The following SRPK2 variants were observed in gnomAD, a reference collection of about 807,000 sequenced individuals.
SRPK2 encodes SFRS protein kinase 2.
SRPK2 carries 21 observed loss-of-function variants against 90.8 expected under a neutral mutation model. The ratio of observed to expected loss-of-function variants is 0.23; its 90% CI spans 0.16 to 0.33. The LOEUF (loss-of-function observed/expected upper bound fraction) is 0.33, where lower values mean the gene tolerates loss of function less well. SRPK2 is among the 10% of genes least tolerant of loss of function. The pLI is 1.00. For synonymous variants in SRPK2, 288 were observed against 311.1 expected (o/e 0.93, Z 0.78); for missense variants, 620 against 869.0 (o/e 0.71, Z 3.60).
At chr7:105,276,276 G>A (rs1007133001) in intron 2 of SRPK2, among the ~76,000 whole-genome samples, 18 of 151,444 alleles carry the variant, frequency 1.2e-4, no homozygotes, top group Non-Finnish European at 1.9e-4. Flanking sequence ...ACAGGGTCTC[G>A]CTATGTTGCC....
At chr7:105,176,609 G>A (rs10607748) in intron 3 of SRPK2, among the ~76,000 whole-genome samples, 104,898 of 135,452 alleles carry the variant, frequency 0.77, 39,971 homozygotes, top group Non-Finnish European at 0.87. Context: ...GTGTGTGTGT[G>A]TATACGTGTG....
At chr7:105,376,640 G>A (rs1820335058) in intron 2 of SRPK2, among the ~76,000 whole-genome samples, 1 of 150,466 alleles carries the variant, frequency 6.6e-6, no homozygotes. Context: ...TCAGGTTCAA[G>A]CAATTCTCCT....
chr7:105,353,498 C>T (rs1028572735), intron 2 of SRPK2, among the ~76,000 whole-genome samples: 1 of 131,666 alleles, frequency 7.6e-6, no homozygotes, highest in Non-Finnish European at 1.7e-5. Flanking sequence ...TGCCATCCAG[C>T]CCAGTTTGTT....
chr7:105,243,585 C>G (rs1194742697), intron 2 of SRPK2, among the ~76,000 whole-genome samples: 1 of 147,230 alleles, frequency 6.8e-6, no homozygotes, highest in Non-Finnish European at 1.5e-5. Context: ...GAGCCAAGAC[C>G]GCACCATTGC....
At chr7:105,225,677 C>T (rs1025791534) in intron 2 of SRPK2, among the ~76,000 whole-genome samples, 6 of 152,112 alleles carry the variant, frequency 3.9e-5, no homozygotes, top group African/African-American at 1.2e-4. Context: ...GTTTAATAGG[C>T]TGTTTCTAAA....
At chr7:105,268,729 A>G in intron 2 of SRPK2, 2 of 1,507,362 alleles carry the variant, frequency 1.3e-6, no homozygotes, top group Non-Finnish European at 1.8e-6. Flanking sequence ...AAACTTGACA[A>G]GAAAAAAAAA....
intron 2 of SRPK2, among the ~76,000 whole-genome samples, chr7:105,253,074 A>C (rs1341497513): frequency 1.3e-5 from 2 of 152,158 alleles, no homozygotes; most frequent in Non-Finnish European, 2.9e-5. Flanking sequence ...GGATTTCTTT[A>C]ATCATAATTA....
upstream of SRPK2, chr7:105,389,197 G>T: frequency 8.9e-7 from 1 of 1,121,696 alleles, no homozygotes; most frequent in South Asian, 1.9e-5. Flanking sequence ...CCCGGGCACC[G>T]GACCCGCGGG....
intron 2 of SRPK2, among the ~76,000 whole-genome samples, chr7:105,295,606 C>T (rs1809712574): frequency 6.6e-6 from 1 of 152,034 alleles, no homozygotes; most frequent in African/African-American, 2.4e-5. Flanking sequence ...CAGTAGTTAC[C>T]AGGGGCCAGG....
chr7:105,140,006 C>T (rs564254200), intron 11 of SRPK2, among the ~76,000 whole-genome samples: 157 of 152,042 alleles, frequency 1.0e-3, no homozygotes, highest in African/African-American at 3.7e-3. Context: ...TGCATATAAC[C>T]TACATATATC....
chr7:105,205,926 A>AG, intron 2 of SRPK2: 3 of 482,820 alleles, frequency 6.2e-6, no homozygotes, highest in Non-Finnish European at 4.2e-6. Flanking sequence ...ACATTCTCTG[A>AG]AAACACACAC....
chr7:105,293,594 ATTT>A (rs978378502), intron 2 of SRPK2, among the ~76,000 whole-genome samples: 1 of 150,174 alleles, frequency 6.7e-6, no homozygotes, highest in African/African-American at 2.5e-5. Context: ...TGATTGTTGT[ATTT>A]TTAGTAGAGA....
Position 105,160,073 on chromosome 7 carries a change from G to A in SRPK2, c.621+434C>T, listed in dbSNP as rs187638304. 6.6e-5 allele frequency among the ~76,000 whole-genome samples: 10 copies of A among 152,188 alleles called. No individual in the cohort carries two copies. In the East Asian group the frequency reaches 1.2e-3, roughly 18 times the overall value. ...TATTAGATCTGCAGAATTTAACCACGTTATAACTGAAACTTTGTACACAAC... is the reference window on the plus strand; with the variant it reads ...TATTAGATCTGCAGAATTTAACCACATTATAACTGAAACTTTGTACACAAC... On this transcript the variant is annotated intron_variant, in intron 7 of 15. Coordinates refer to ENST00000393651, the MANE Select transcript of SRPK2 (RefSeq NM_182692.3).
intron 2 of SRPK2, among the ~76,000 whole-genome samples, chr7:105,373,237 G>A (rs1310277696): frequency 2.6e-5 from 4 of 151,978 alleles, no homozygotes; most frequent in African/African-American, 9.7e-5. Context: ...GTCAAGATCA[G>A]AAAAAAGATA....
At chr7:105,283,527 A>G (rs917436419) in intron 2 of SRPK2, among the ~76,000 whole-genome samples, 4 of 152,166 alleles carry the variant, frequency 2.6e-5, no homozygotes, top group Admixed American at 1.3e-4. Context: ...CATAACAAAT[A>G]TTATATGATT....
intron 2 of SRPK2, among the ~76,000 whole-genome samples, chr7:105,333,292 T>A (rs951560278): frequency 2.0e-5 from 3 of 152,234 alleles, no homozygotes; most frequent in African/African-American, 7.2e-5. Flanking sequence ...TATAACAATA[T>A]AGGTTGGATA....
At position 105,388,788 on chromosome 7, in the gene SRPK2, C is replaced by T; in HGVS notation, c.16+3G>A. The T allele has an allele frequency of 6.7e-7, 1 of 1,498,366 alleles. No homozygotes were observed. The highest frequency in any genetic ancestry group is 8.9e-7 in the Non-Finnish European group (1 of 1,120,700). 92.8% of individuals were successfully genotyped at this position (1,498,366 alleles called of 1,614,324 possible). On this transcript the variant is annotated splice_donor_region_variant and intron_variant, in intron 1 of 15. Coordinates refer to ENST00000393651, the MANE Select transcript of SRPK2 (RefSeq NM_182692.3). Reference sequence around the variant, plus strand: ...GGGAGAGGGCGCGCCGCGGGCCACTCACCTTTCCGGGAGCTCATTCCGACG... The same window carrying T: ...GGGAGAGGGCGCGCCGCGGGCCACTTACCTTTCCGGGAGCTCATTCCGACG...
intron 2 of SRPK2, among the ~76,000 whole-genome samples, chr7:105,262,858 A>T (rs1215402568): frequency 1.3e-5 from 2 of 152,202 alleles, no homozygotes. Flanking sequence ...GAAGGAAAAA[A>T]ATATATACAA....
In SRPK2 at chr7:105,182,410, C is replaced by T. The variant is rs192311136; in HGVS notation, c.230-13145G>A. The stretch of plus-strand genomic sequence containing the variant: ...TACATTGAATCAGACTTTGAAGAGC[C>T]TTGAGATTTGTGCAAAACTTGTGAC... On this transcript the variant is annotated intron_variant, in intron 3 of 15. Transcript: ENST00000393651. Among the ~76,000 whole-genome samples the T allele has an allele frequency of 1.0e-3, 155 of 150,528 alleles. 1 individual carries two copies. Among genetic ancestry groups the T allele is most frequent in the African/African-American group, 3.7e-3 (151 of 41,048 alleles).
Sources: gnomAD v4.1 joint callset for allele counts (sites outside exome capture counted in the v4.1 genomes callset) on GRCh38, gnomAD v4.1.1 for gene constraint, MANE v1.5 for transcripts, NCBI Gene and HGNC (gene_info 2026-07-23, HGNC 2026-07-21) for gene names.